The following CPPED1 variants were observed in gnomAD, a reference collection of about 807,000 sequenced individuals.
The protein encoded by CPPED1 is serine/threonine-protein phosphatase CPPED1.
A neutral mutation model predicts 28.0 loss-of-function variants in CPPED1; 28 were observed. The observed-to-expected ratio is 1.00, with a 90% CI of 0.74 to 1.37. The LOEUF is 1.37. Among genes scored for constraint, CPPED1 ranks in the 40% most tolerant of loss-of-function variants. CPPED1 has a pLI of 0.00. For synonymous variants in CPPED1, 198 were observed against 180.2 expected (o/e 1.10, Z -0.79); for missense variants, 504 against 416.5 (o/e 1.21, Z -1.83).
intron 2 of CPPED1, among the ~76,000 whole-genome samples, chr16:12,715,032 G>A (rs1389931014): frequency 6.6e-6 from 1 of 151,868 alleles, no homozygotes; most frequent in South Asian, 2.1e-4. Flanking sequence ...AGATGTCCCT[G>A]CACCATTTGT....
At chr16:12,750,611 T>A (rs1178111690) in intron 2 of CPPED1, among the ~76,000 whole-genome samples, 2 of 152,032 alleles carry the variant, frequency 1.3e-5, no homozygotes. Flanking sequence ...ACAGATATAG[T>A]AAAGAAGAAA....
chr16:12,777,039 A>T (rs1230806823), intron 2 of CPPED1, among the ~76,000 whole-genome samples: 1 of 152,200 alleles, frequency 6.6e-6, no homozygotes, highest in Non-Finnish European at 1.5e-5. Context: ...TGTCTTTATC[A>T]GCAGCATGAA....
chr16:12,759,754 T>C (rs2080397396), intron 2 of CPPED1, among the ~76,000 whole-genome samples: 1 of 152,210 alleles, frequency 6.6e-6, no homozygotes, highest in Non-Finnish European at 1.5e-5. Flanking sequence ...GTGCTCTCTC[T>C]CCTGACGCCT....
chr16:12,781,348 C>T lies in CPPED1; in HGVS notation c.126G>A (p.Gln42=). ...TGGACCAGGCCTTGATCAGCCCAAA[C>T]TGTGGGTCTGCGCCCAGGATGAAGT... ...PFYFILGADP[Q]FGLIKAWSTG... The change falls in exon 2 of 4, where the codon CAG becomes CAA. Residue 42 remains glutamine (Q), a synonymous_variant. Coordinates refer to ENST00000381774, the MANE Select transcript of CPPED1 (RefSeq NM_018340.3). 1 of 1,614,160 alleles carries T rather than the reference C, an allele frequency of 6.2e-7. No homozygotes were observed. Among genetic ancestry groups the T allele is most frequent in the East Asian group, 2.2e-5 (1 of 44,878 alleles).
chr16:12,772,340 A>C (rs1167366617), intron 2 of CPPED1, among the ~76,000 whole-genome samples: 1 of 152,084 alleles, frequency 6.6e-6, no homozygotes, highest in African/African-American at 2.4e-5. Flanking sequence ...CAGTAATTCT[A>C]CTTTACTTCC....
At chr16:12,667,061 G>A (rs950784296) in intron 3 of CPPED1, among the ~76,000 whole-genome samples, 1 of 151,990 alleles carries the variant, frequency 6.6e-6, no homozygotes, top group Admixed American at 6.6e-5. Context: ...GAACGGGGGT[G>A]GGGGTGGAGG....
intron 2 of CPPED1, among the ~76,000 whole-genome samples, chr16:12,730,937 G>C (rs1481230607): frequency 6.6e-6 from 1 of 152,066 alleles, no homozygotes; most frequent in Admixed American, 6.6e-5. Flanking sequence ...CTTGGGTATA[G>C]GAATAAAAAG....
At chr16:12,768,914 G>A (rs950729809) in intron 2 of CPPED1, among the ~76,000 whole-genome samples, 2 of 146,190 alleles carry the variant, frequency 1.4e-5, no homozygotes, top group Non-Finnish European at 3.0e-5. Context: ...TGCCCAGGCT[G>A]CAGTGCAGTG....
intron 2 of CPPED1, chr16:12,753,779 G>GC (rs2080346542): frequency 6.6e-6 from 1 of 152,142 alleles, no homozygotes; most frequent in African/African-American, 2.4e-5. Context: ...CCCTACAGGA[G>GC]CCCCCTCTCA....
intron 1 of CPPED1, among the ~76,000 whole-genome samples, chr16:12,787,461 G>A (rs919948229): frequency 1.7e-4 from 25 of 147,514 alleles, no homozygotes; most frequent in Non-Finnish European, 7.4e-5. Flanking sequence ...ACTGCAGTGC[G>A]GTGGCGTGGT....
rs762320027 is a variant in CPPED1 at position 12,688,330 on chromosome 16, A to ATTT, written c.715+16291_715+16293dup. Among the ~76,000 whole-genome samples the ATTT allele has an allele frequency of 3.1e-4, 41 of 130,408 alleles. 1 individual carries two copies. The highest frequency in any genetic ancestry group is 1.1e-3 in the African/African-American group (37 of 32,974). 85.6% of individuals were successfully genotyped at this position (130,408 alleles called of 152,430 possible). A position where few individuals can be genotyped will look rare whatever the true frequency, so the allele number is the denominator to read the frequency against. On this transcript the variant is annotated intron_variant, in intron 3 of 3. Transcript: ENST00000381774. ...AAGTGTCCTAGAATCCTACTCCAGG[A>ATTT]TTTTTTTTTTTTTTTTTTTTGAGAT...
chr16:12,695,140 T>C (rs1341227444), intron 3 of CPPED1, among the ~76,000 whole-genome samples: 1 of 152,212 alleles, frequency 6.6e-6, no homozygotes, highest in Non-Finnish European at 1.5e-5. Context: ...GTGGACAGGT[T>C]TGCTGCATTT....
chr16:12,701,156 G>A (rs2080018298), intron 3 of CPPED1, among the ~76,000 whole-genome samples: 2 of 151,838 alleles, frequency 1.3e-5, no homozygotes, highest in Admixed American at 1.3e-4. Flanking sequence ...TTGAGCCCAG[G>A]AATCCAGGGC....
At position 12,761,782 on chromosome 16, in the gene CPPED1, G is replaced by A. The variant is rs145207559; in HGVS notation, c.289+19403C>T. On this transcript the variant is annotated intron_variant, in intron 2 of 3. Coordinates refer to ENST00000381774, the MANE Select transcript of CPPED1 (RefSeq NM_018340.3). ...TACCAACACTTTGGGAGGCCGAGGCGGGCGGATCACTTGAAATCAGGAGTT... is the reference window on the plus strand; with the variant it reads ...TACCAACACTTTGGGAGGCCGAGGCAGGCGGATCACTTGAAATCAGGAGTT... 4.6e-3 allele frequency among the ~76,000 whole-genome samples: 699 copies of A among 152,208 alleles called. 7 individuals are homozygous for A. The highest frequency in any genetic ancestry group is 0.02 in the Middle Eastern group (6 of 294).
chr16:12,729,518 G>T (rs2080186627), intron 2 of CPPED1, among the ~76,000 whole-genome samples: 1 of 152,146 alleles, frequency 6.6e-6, no homozygotes, highest in South Asian at 2.1e-4. Context: ...AATCAGAATC[G>T]TGTTGTCATC....
At chr16:12,687,672 G>A (rs561773575) in intron 3 of CPPED1, among the ~76,000 whole-genome samples, 2 of 152,306 alleles carry the variant, frequency 1.3e-5, no homozygotes, top group South Asian at 2.1e-4. Context: ...TCGGAAGGCT[G>A]AGGTTGCAGT....
intron 3 of CPPED1, among the ~76,000 whole-genome samples, chr16:12,683,874 C>T (rs758420409): frequency 7.9e-5 from 12 of 152,226 alleles, no homozygotes; most frequent in Non-Finnish European, 1.3e-4. Context: ...AGGGAGGGCG[C>T]AGCCTCTCCA....
chr16:12,732,822 G>A (rs984843625), intron 2 of CPPED1, among the ~76,000 whole-genome samples: 3 of 152,132 alleles, frequency 2.0e-5, no homozygotes, highest in Admixed American at 6.5e-5. Flanking sequence ...ATGTGAGGGT[G>A]GAATGAAGAC....
chr16:12,677,666 G>A (rs191723874), intron 3 of CPPED1, among the ~76,000 whole-genome samples: 178 of 152,290 alleles, frequency 1.2e-3, no homozygotes, highest in Non-Finnish European at 2.1e-3. Flanking sequence ...GAAGTGCCAC[G>A]GTCGTGTATG....
Sources: allele counts gnomAD v4.1 joint callset (sites outside exome capture counted in the v4.1 genomes callset), GRCh38; gene constraint gnomAD v4.1.1; transcripts MANE v1.5; gene names NCBI Gene and HGNC (gene_info 2026-07-23, HGNC 2026-07-21).